The following B3GALT1 variants were observed in gnomAD, a reference collection of about 807,000 sequenced individuals.
B3GALT1 encodes the protein UDP-Gal:betaGlcNAc beta 1,3-galactosyltransferase, polypeptide 1.
B3GALT1 carries 10 observed loss-of-function variants against 23.2 expected under a neutral mutation model. The ratio of observed to expected loss-of-function variants is 0.43; its 90% CI spans 0.27 to 0.73. The LOEUF is 0.73. B3GALT1 is among the 30% of genes least tolerant of loss of function. The probability of loss-of-function intolerance (pLI) is 0.21; values close to 1 mark genes in which losing one functional copy is unlikely to be tolerated. For missense variants in B3GALT1, 299 were observed against 405.4 expected (o/e 0.74, Z 2.25); for synonymous variants, 156 against 141.5 (o/e 1.10, Z -0.73).
intron 1 of B3GALT1, among the ~76,000 whole-genome samples, chr2:167,306,838 G>A (rs930066364): frequency 1.3e-5 from 2 of 151,942 alleles, no homozygotes; most frequent in African/African-American, 4.8e-5. Context: ...GCCCTGCTCA[G>A]TAAGCACTTA....
intron 3 of B3GALT1, among the ~76,000 whole-genome samples, chr2:167,760,017 C>T (rs1262392075): frequency 1.3e-5 from 2 of 152,054 alleles, no homozygotes; most frequent in African/African-American, 4.8e-5. Context: ...TTATTTAGCT[C>T]AAGTTTTTCT....
rs115298366 is a variant in B3GALT1, at chr2:167,354,018, G to C, written c.-511+60684G>C. On this transcript the variant is annotated intron_variant, in intron 1 of 4. Transcript: ENST00000392690. Reference sequence around the variant, plus strand: ...AGTAGCATTTTCTAGTCCTTTTCTTGTTCTGTAAAGATGCTACCATTTTGC... The same window carrying C: ...AGTAGCATTTTCTAGTCCTTTTCTTCTTCTGTAAAGATGCTACCATTTTGC... 4.9e-3 allele frequency among the ~76,000 whole-genome samples: 744 copies of C among 152,004 alleles called. 4 individuals carry two copies. Among genetic ancestry groups the C allele is most frequent in the African/African-American group, 0.017 (686 of 41,456 alleles).
chr2:167,537,916 C>T (rs137932570), intron 2 of B3GALT1, among the ~76,000 whole-genome samples: 1 of 151,704 alleles, frequency 6.6e-6, no homozygotes, highest in Non-Finnish European at 1.5e-5. Context: ...TGCCCGCCTC[C>T]CTGGCTCAGG....
intron 3 of B3GALT1, among the ~76,000 whole-genome samples, chr2:167,732,888 T>C (rs1235955871): frequency 6.6e-6 from 1 of 152,212 alleles, no homozygotes. Context: ...GCACTTTGAG[T>C]GTTTACAGTA....
At chr2:167,525,708 G>C (rs925572521) in intron 2 of B3GALT1, among the ~76,000 whole-genome samples, 6 of 151,434 alleles carry the variant, frequency 4.0e-5, no homozygotes, top group Admixed American at 2.6e-4. Context: ...TCACAGCTCA[G>C]GTGACCCTCC....
chr2:167,583,972 C>T (rs936149389), intron 2 of B3GALT1, among the ~76,000 whole-genome samples: 1 of 149,290 alleles, frequency 6.7e-6, no homozygotes, highest in Non-Finnish European at 1.5e-5. Context: ...TACCAAATAC[C>T]CAGCTGTCCA....
intron 2 of B3GALT1, among the ~76,000 whole-genome samples, chr2:167,529,486 G>A (rs535080853): frequency 6.6e-6 from 1 of 151,492 alleles, no homozygotes; most frequent in East Asian, 2.0e-4. Flanking sequence ...AAGAGTTTTG[G>A]TCTGAGCTAC....
intron 1 of B3GALT1, among the ~76,000 whole-genome samples, chr2:167,451,354 C>CT (rs1333762976): frequency 6.6e-6 from 1 of 152,164 alleles, no homozygotes; most frequent in East Asian, 1.9e-4. Context: ...GGGCTCAAGG[C>CT]TGCTGTTCAC....
chr2:167,561,416 A>C (rs1407050627), intron 2 of B3GALT1, among the ~76,000 whole-genome samples: 1 of 152,140 alleles, frequency 6.6e-6, no homozygotes, highest in Non-Finnish European at 1.5e-5. Flanking sequence ...AAGAGCAAAC[A>C]CATTCAAAAG....
chr2:167,452,404 G>A (rs1042757480), intron 1 of B3GALT1, among the ~76,000 whole-genome samples: 3 of 152,052 alleles, frequency 2.0e-5, no homozygotes, highest in South Asian at 4.2e-4. Flanking sequence ...TATTTCACTC[G>A]GCTCTCTAAA....
chr2:167,831,921 C>T (rs2105380507), intron 4 of B3GALT1, among the ~76,000 whole-genome samples: 1 of 152,238 alleles, frequency 6.6e-6, no homozygotes, highest in East Asian at 1.9e-4. Context: ...AACCTGAGAC[C>T]TAATAGTTCG....
intron 1 of B3GALT1, among the ~76,000 whole-genome samples, chr2:167,344,036 G>T (rs577546150): frequency 9.2e-5 from 14 of 152,212 alleles, no homozygotes; most frequent in South Asian, 2.1e-4. Context: ...GGTGACTATT[G>T]TCTACCACAC....
chr2:167,626,273 G>A (rs10188463), intron 2 of B3GALT1, among the ~76,000 whole-genome samples: 22 of 151,202 alleles, frequency 1.5e-4, no homozygotes, highest in African/African-American at 4.1e-4. Context: ...CTGAAATCTC[G>A]AATTCTAATC....
chr2:167,428,095 G>A (rs1378870520), intron 1 of B3GALT1, among the ~76,000 whole-genome samples: 1 of 152,084 alleles, frequency 6.6e-6, no homozygotes, highest in East Asian at 1.9e-4. Context: ...AAGTGTTATC[G>A]AGCCACACAT....
intron 1 of B3GALT1, among the ~76,000 whole-genome samples, chr2:167,422,494 A>G (rs1189020794): frequency 6.6e-6 from 1 of 152,228 alleles, no homozygotes; most frequent in Non-Finnish European, 1.5e-5. Context: ...TTACATAGTC[A>G]GGATTTCTTC....
intron 3 of B3GALT1, among the ~76,000 whole-genome samples, chr2:167,675,045 G>A (rs1686399781): frequency 6.6e-6 from 1 of 152,190 alleles, no homozygotes; most frequent in Non-Finnish European, 1.5e-5. Context: ...TCTTGCCCAG[G>A]ACTGTGGTCT....
intron 2 of B3GALT1, among the ~76,000 whole-genome samples, chr2:167,495,183 G>A (rs766892219): frequency 5.3e-5 from 8 of 152,108 alleles, no homozygotes; most frequent in Non-Finnish European, 7.4e-5. Context: ...GGTGGCAGAC[G>A]TAGGAATGCA....
At chr2:167,339,976 T>C (rs1315232777) in intron 1 of B3GALT1, among the ~76,000 whole-genome samples, 1 of 152,090 alleles carries the variant, frequency 6.6e-6, no homozygotes. Flanking sequence ...GAAACAAAAA[T>C]GGAGCTTGAG....
chr2:167,355,777 G>T (rs1336087899), intron 1 of B3GALT1, among the ~76,000 whole-genome samples: 1 of 151,782 alleles, frequency 6.6e-6, no homozygotes, highest in African/African-American at 2.4e-5. Context: ...TAAAATATGT[G>T]CAATTACTTT....
Sources: allele counts gnomAD v4.1 joint callset (sites outside exome capture counted in the v4.1 genomes callset), GRCh38; gene constraint gnomAD v4.1.1; transcripts MANE v1.5; gene names NCBI Gene and HGNC (gene_info 2026-07-23, HGNC 2026-07-21).